The following CHLSN variants were observed in gnomAD, a reference collection of about 807,000 sequenced individuals.
CHLSN encodes the protein cholesin, also known as protein cholesin.
chr7:1,081,237 G>C, the CHLSN span, among the ~76,000 whole-genome samples: 1 of 152,212 alleles, frequency 6.6e-6, no homozygotes, highest in African/African-American at 2.4e-5. Flanking sequence ...GTGGGGGTGA[G>C]CTAAGCACAC....
chr7:1,020,519 G>T, the CHLSN span, among the ~76,000 whole-genome samples: 1 of 152,246 alleles, frequency 6.6e-6, no homozygotes, highest in Non-Finnish European at 1.5e-5. Context: ...ATGTCTGGCG[G>T]ATACCACACA....
the CHLSN span, among the ~76,000 whole-genome samples, chr7:1,052,489 T>C: frequency 3.3e-5 from 5 of 151,670 alleles, no homozygotes; most frequent in East Asian, 7.7e-4. The surrounding 1 kb of genome is among the most constrained non-coding windows in gnomAD (Gnocchi z 4.2). Flanking sequence ...AAACCAGCAG[T>C]GTGACTTTGG....
the CHLSN span, among the ~76,000 whole-genome samples, chr7:1,133,180 C>A: frequency 6.6e-6 from 1 of 152,064 alleles, no homozygotes; most frequent in Non-Finnish European, 1.5e-5. Flanking sequence ...AGAAGCCAGA[C>A]GCCCAAGACT....
At chr7:1,081,499 C>T in the CHLSN span, among the ~76,000 whole-genome samples, 2 of 152,204 alleles carry the variant, frequency 1.3e-5, no homozygotes, top group African/African-American at 2.4e-5. Flanking sequence ...GCAGGGGTGG[C>T]GGCAAGGGGG....
At chr7:1,058,307 GC>G in the CHLSN span, 2 of 775,470 alleles carry the variant, frequency 2.6e-6, no homozygotes, top group East Asian at 4.8e-5. Context: ...CGCGAGGGAA[GC>G]CCGTGGACGC....
the CHLSN span, among the ~76,000 whole-genome samples, chr7:1,041,907 G>A: frequency 3.2e-3 from 486 of 152,098 alleles, 3 homozygotes; most frequent in African/African-American, 0.011. Flanking sequence ...CTGACCTTCC[G>A]GACCGCCACT....
chr7:1,085,518 G>A, the CHLSN span, among the ~76,000 whole-genome samples: 169 of 152,270 alleles, frequency 1.1e-3, no homozygotes, highest in Non-Finnish European at 2.1e-3. Context: ...GAAGGAGGGT[G>A]ACCTAAGATC....
At chr7:1,088,923 G>A in the CHLSN span, among the ~76,000 whole-genome samples, 2 of 151,984 alleles carry the variant, frequency 1.3e-5, no homozygotes, top group Admixed American at 6.6e-5. This position sits in a 1 kb window ranked among gnomAD's most constrained non-coding sequence, Gnocchi z 4.5. Context: ...GTATCTTCTC[G>A]GTGTCTGGCA....
chr7:984,854 C>G, the CHLSN span: 2 of 1,465,188 alleles, frequency 1.4e-6, no homozygotes, highest in Non-Finnish European at 1.8e-6. Context: ...CAGCCAGTCT[C>G]GCTGCCCTGT....
chr7:1,135,689 TA>T, the CHLSN span, among the ~76,000 whole-genome samples: 1 of 150,102 alleles, frequency 6.7e-6, no homozygotes, highest in Non-Finnish European at 1.5e-5. Flanking sequence ...ATCGTTTGAA[TA>T]CGAGGTGGAG....
the CHLSN span, among the ~76,000 whole-genome samples, chr7:1,115,241 T>C: frequency 6.6e-6 from 1 of 152,254 alleles, no homozygotes; most frequent in South Asian, 2.1e-4. Context: ...TTTCATCATG[T>C]CTGGGTGTTA....
chr7:1,054,382 C>T, the CHLSN span, among the ~76,000 whole-genome samples: 1 of 152,210 alleles, frequency 6.6e-6, no homozygotes, highest in African/African-American at 2.4e-5. Flanking sequence ...CAGTATTTGT[C>T]AGCTGCCAGT....
chr7:1,016,515 ACAG>A, the CHLSN span, among the ~76,000 whole-genome samples: 4 of 146,824 alleles, frequency 2.7e-5, no homozygotes, highest in Non-Finnish European at 4.5e-5. Flanking sequence ...ACAGCAGCGC[ACAG>A]CAGCACACAC....
chr7:1,023,123 C>T, the CHLSN span: 1 of 392,058 alleles, frequency 2.6e-6, no homozygotes, highest in Admixed American at 3.3e-5. This position sits in a 1 kb window ranked among gnomAD's most constrained non-coding sequence, Gnocchi z 5.0. Context: ...GCCTGTGGCC[C>T]CTTCTCAGAA....
the CHLSN span, among the ~76,000 whole-genome samples, chr7:1,090,412 G>A: frequency 1.8e-4 from 27 of 152,292 alleles, no homozygotes; most frequent in South Asian, 5.2e-3. Context: ...TGGCGGCAGA[G>A]CCGGGGTGAC....
At chr7:1,089,283 C>T in the CHLSN span, among the ~76,000 whole-genome samples, 1 of 152,218 alleles carries the variant, frequency 6.6e-6, no homozygotes, top group Non-Finnish European at 1.5e-5. Flanking sequence ...TCAAATTCAC[C>T]AGCCCCAGCT....
At chr7:1,054,266 A>G in the CHLSN span, among the ~76,000 whole-genome samples, 1 of 152,250 alleles carries the variant, frequency 6.6e-6, no homozygotes, top group South Asian at 2.1e-4. Context: ...GAAAACAGGT[A>G]CGGCTCGGCT....
the CHLSN span, among the ~76,000 whole-genome samples, chr7:1,024,256 G>A: frequency 1.3e-5 from 2 of 152,148 alleles, no homozygotes; most frequent in African/African-American, 2.4e-5. Flanking sequence ...CCCTACTCCC[G>A]CCTGCAGGAG....
the CHLSN span, among the ~76,000 whole-genome samples, chr7:1,114,176 G>C: frequency 3.3e-5 from 5 of 152,206 alleles, no homozygotes; most frequent in Non-Finnish European, 5.9e-5. Flanking sequence ...GTGCAGGCCA[G>C]ACTGTGCGGC....
Sources: gnomAD v4.1 joint callset for allele counts (sites outside exome capture counted in the v4.1 genomes callset) on GRCh38, gnomAD v4.1.1 for gene constraint, Gnocchi (gnomAD v3.1) non-coding constraint, MANE v1.5 for transcripts, NCBI Gene and HGNC (gene_info 2026-07-23, HGNC 2026-07-21) for gene names.